Variants in CCSER1 observed in about 807,000 individuals in gnomAD.
CCSER1 encodes serine-rich coiled-coil domain-containing protein 1.
Under a neutral mutation model 82.0 loss-of-function variants are expected in CCSER1, and 41 were observed. The observed-to-expected ratio is 0.50, with a 90% CI of 0.39 to 0.65. The LOEUF (loss-of-function observed/expected upper bound fraction) is 0.65. Ranked by LOEUF, CCSER1 falls within the 30% of genes least tolerant of loss-of-function variation. The pLI is 0.00. For missense variants in CCSER1, 1,119 were observed against 1,064.2 expected, an observed-to-expected ratio of 1.05 and a Z score of -0.72; for synonymous variants, 414 against 383.9, an observed-to-expected ratio of 1.08 and a Z score of -0.92.
chr4:91,438,051 A>G (rs1268726608), intron 10 of CCSER1, among the ~76,000 whole-genome samples: 2 of 152,212 alleles, frequency 1.3e-5, no homozygotes, highest in Non-Finnish European at 2.9e-5. Context: ...CTCTGGGGGC[A>G]GGGCACAGAC....
intron 9 of CCSER1, among the ~76,000 whole-genome samples, chr4:90,927,633 T>C (rs557658265): frequency 1.3e-5 from 2 of 152,116 alleles, no homozygotes; most frequent in East Asian, 3.9e-4. Flanking sequence ...AGTTTTCTAC[T>C]TACACATGAG....
At chr4:91,051,991 T>C (rs1743047319) in intron 9 of CCSER1, among the ~76,000 whole-genome samples, 1 of 152,032 alleles carries the variant, frequency 6.6e-6, no homozygotes, top group Admixed American at 6.6e-5. Context: ...GGAAAAGACA[T>C]GCAATTGTAT....
chr4:90,245,200 A>G (rs963144437), intron 1 of CCSER1, among the ~76,000 whole-genome samples: 6 of 152,226 alleles, frequency 3.9e-5, no homozygotes, highest in African/African-American at 1.2e-4. Context: ...AAGAAAAATC[A>G]AGGGAATTTT....
chr4:90,977,874 A>G (rs1249755027), intron 9 of CCSER1, among the ~76,000 whole-genome samples: 2 of 151,594 alleles, frequency 1.3e-5, no homozygotes, highest in African/African-American at 4.8e-5. Context: ...TATTATTTTC[A>G]TTTTGATGGT....
intron 10 of CCSER1, among the ~76,000 whole-genome samples, chr4:91,556,744 G>GA (rs1469570302): frequency 6.6e-6 from 1 of 150,898 alleles, no homozygotes; most frequent in Non-Finnish European, 1.5e-5. Flanking sequence ...TTTTAGCAGA[G>GA]AAAAATTTAC....
intron 10 of CCSER1, among the ~76,000 whole-genome samples, chr4:91,402,082 C>T (rs557581072): frequency 1.1e-4 from 17 of 152,150 alleles, no homozygotes; most frequent in East Asian, 7.7e-4. Context: ...TTTTAATGAC[C>T]GCCATTCTAA....
chr4:90,532,514 T>G (rs1774659121), intron 5 of CCSER1, among the ~76,000 whole-genome samples: 1 of 152,086 alleles, frequency 6.6e-6, no homozygotes, highest in Admixed American at 6.6e-5. Flanking sequence ...GTTCTAAGTC[T>G]GAGAAGGCAA....
chr4:91,210,723 C>T (rs778029016), intron 10 of CCSER1, among the ~76,000 whole-genome samples: 1 of 151,776 alleles, frequency 6.6e-6, no homozygotes, highest in African/African-American at 2.4e-5. Flanking sequence ...AGACAAATGA[C>T]AATTATATGC....
At chr4:90,843,273 G>C (rs925749984) in intron 8 of CCSER1, among the ~76,000 whole-genome samples, 2 of 152,002 alleles carry the variant, frequency 1.3e-5, no homozygotes, top group Non-Finnish European at 2.9e-5. Context: ...GCTATTTACT[G>C]CTAAACTGGT....
intron 1 of CCSER1, among the ~76,000 whole-genome samples, chr4:90,182,574 A>G (rs181906328): frequency 1.3e-5 from 2 of 152,284 alleles, no homozygotes; most frequent in South Asian, 2.1e-4. Context: ...GTCTGAGGCT[A>G]ATTTTTCAGG....
chr4:91,029,562 T>C (rs1406912177), intron 9 of CCSER1, among the ~76,000 whole-genome samples: 1 of 152,058 alleles, frequency 6.6e-6, no homozygotes, highest in Non-Finnish European at 1.5e-5. Flanking sequence ...GTCCATGACC[T>C]GCCTAAGTCT....
intron 5 of CCSER1, among the ~76,000 whole-genome samples, chr4:90,546,773 A>G (rs1349339736): frequency 6.6e-6 from 1 of 152,144 alleles, no homozygotes; most frequent in East Asian, 1.9e-4. Context: ...AGAATCATCT[A>G]CTTAAGGAAC....
At chr4:91,310,366 A>G (rs1745382894) in intron 10 of CCSER1, among the ~76,000 whole-genome samples, 1 of 150,592 alleles carries the variant, frequency 6.6e-6, no homozygotes, top group Non-Finnish European at 1.5e-5. Context: ...AAATACACGA[A>G]CACTAACAAT....
chr4:90,986,667 A>T (rs938595358), intron 9 of CCSER1, among the ~76,000 whole-genome samples: 1 of 151,746 alleles, frequency 6.6e-6, no homozygotes, highest in Non-Finnish European at 1.5e-5. Context: ...GAACTGTGTC[A>T]ATCATCAAGT....
At position 90,715,478 on chromosome 4, in the gene CCSER1, GT is replaced by G. The variant is rs1262191395; in HGVS notation, c.1933-8435del. 1.8e-4 allele frequency among the ~76,000 whole-genome samples: 28 copies of G among 152,106 alleles called. 1 individual carries two copies. Among genetic ancestry groups the G allele is most frequent in the African/African-American group, 6.0e-4 (25 of 41,538 alleles). On this transcript the variant is annotated intron_variant, in intron 6 of 10. Coordinates refer to ENST00000509176, the MANE Select transcript of CCSER1 (RefSeq NM_001145065.2). ...GACTAAACACTAAAGCAAGAGATTA[GT>G]AATTGGAATTGTATCACAAGATCAG...
intron 6 of CCSER1, among the ~76,000 whole-genome samples, chr4:90,707,939 T>C (rs1459882327): frequency 1.3e-5 from 2 of 152,164 alleles, no homozygotes; most frequent in Non-Finnish European, 2.9e-5. Flanking sequence ...AATATTATCC[T>C]ACCTACTGAA....
intron 8 of CCSER1, among the ~76,000 whole-genome samples, chr4:90,854,245 G>A (rs1764204676): frequency 6.6e-6 from 1 of 152,192 alleles, no homozygotes; most frequent in Non-Finnish European, 1.5e-5. Context: ...GGAAAGGGTA[G>A]TCTTTAGTTA....
At chr4:91,561,716 A>C (rs1216075230) in intron 10 of CCSER1, among the ~76,000 whole-genome samples, 1 of 151,428 alleles carries the variant, frequency 6.6e-6, no homozygotes, top group Non-Finnish European at 1.5e-5. Flanking sequence ...TATTTCTAAA[A>C]AGCAGACAAA....
chr4:90,962,437 C>T (rs754504939), intron 9 of CCSER1, among the ~76,000 whole-genome samples: 1 of 152,142 alleles, frequency 6.6e-6, no homozygotes, highest in East Asian at 1.9e-4. Flanking sequence ...ATTTTGACTA[C>T]ATTAGCTTAA....
Sources: allele counts gnomAD v4.1 joint callset (sites outside exome capture counted in the v4.1 genomes callset), GRCh38; gene constraint gnomAD v4.1.1; transcripts MANE v1.5; gene names NCBI Gene and HGNC (gene_info 2026-07-23, HGNC 2026-07-21).